Variants in MIPOL1 observed in about 807,000 individuals in gnomAD.
The protein encoded by MIPOL1 is mirror-image polydactyly 1, also known as mirror-image polydactyly gene 1 protein.
Under a neutral mutation model 60.9 loss-of-function variants are expected in MIPOL1, and 57 were observed. That is an observed-to-expected ratio of 0.94 (90% confidence interval 0.76 to 1.17). The LOEUF (loss-of-function observed/expected upper bound fraction) is 1.17. MIPOL1 is among the 50% of genes most tolerant of loss of function. The pLI, the probability that MIPOL1 is intolerant of heterozygous loss-of-function variation, is 0.00. For synonymous variants in MIPOL1, 179 were observed against 168.8 expected, an observed-to-expected ratio of 1.06 and a Z score of -0.47; for missense variants, 551 against 511.6, an observed-to-expected ratio of 1.08 and a Z score of -0.74.
At chr14:37,541,494 A>G (rs1333459379) in intron 12 of MIPOL1, among the ~76,000 whole-genome samples, 3 of 152,214 alleles carry the variant, frequency 2.0e-5, no homozygotes, top group Non-Finnish European at 4.4e-5. Flanking sequence ...TTATACCACA[A>G]TGATGGTTTA....
intron 1 of MIPOL1, among the ~76,000 whole-genome samples, chr14:37,245,191 T>G: frequency 6.6e-6 from 1 of 152,242 alleles, no homozygotes; most frequent in Middle Eastern, 3.4e-3. Context: ...TAAAAGTAGC[T>G]TAAAAAATTA....
chr14:37,420,944 A>C (rs1007016497), intron 10 of MIPOL1, among the ~76,000 whole-genome samples: 1 of 152,158 alleles, frequency 6.6e-6, no homozygotes, highest in African/African-American at 2.4e-5. Context: ...GGATATCGTA[A>C]AGCCAGAAAG....
intron 9 of MIPOL1, among the ~76,000 whole-genome samples, chr14:37,318,824 T>TTTAG (rs1170957886): frequency 9.1e-4 from 135 of 148,246 alleles, no homozygotes; most frequent in African/African-American, 3.1e-3. Flanking sequence ...TATTTATTTA[T>TTTAG]TTAGTTAGTT....
intron 11 of MIPOL1, among the ~76,000 whole-genome samples, chr14:37,489,695 ACAGT>A (rs1370850373): frequency 3.2e-4 from 49 of 152,176 alleles, no homozygotes; most frequent in African/African-American, 9.9e-4. Flanking sequence ...TTTCCTTCTA[ACAGT>A]CAGGCCCCTC....
At chr14:37,528,758 T>C (rs1036172613) in intron 12 of MIPOL1, among the ~76,000 whole-genome samples, 2 of 152,178 alleles carry the variant, frequency 1.3e-5, no homozygotes, top group Admixed American at 6.5e-5. Flanking sequence ...AAATATGCTT[T>C]TTTTATAACT....
chr14:37,339,938 C>T (rs1458791368), intron 9 of MIPOL1, among the ~76,000 whole-genome samples: 1 of 152,110 alleles, frequency 6.6e-6, no homozygotes, highest in African/African-American at 2.4e-5. Context: ...TTGTCAAAAG[C>T]CAATCAATTC....
intron 1 of MIPOL1, among the ~76,000 whole-genome samples, chr14:37,231,262 A>G (rs1249690927): frequency 6.6e-6 from 1 of 151,672 alleles, no homozygotes; most frequent in Non-Finnish European, 1.5e-5. Context: ...TAATGTTTTT[A>G]TTTTTCATAG....
At chr14:37,379,953 G>A (rs2092882230) in intron 10 of MIPOL1, among the ~76,000 whole-genome samples, 1 of 151,982 alleles carries the variant, frequency 6.6e-6, no homozygotes. Context: ...GCATGGCCGT[G>A]TAACCCAAAG....
chr14:37,245,424 T>G (rs1408315826), intron 1 of MIPOL1, among the ~76,000 whole-genome samples: 1 of 152,140 alleles, frequency 6.6e-6, no homozygotes, highest in Non-Finnish European at 1.5e-5. Context: ...GCAATTAACT[T>G]ACAGTGTACA....
intron 9 of MIPOL1, among the ~76,000 whole-genome samples, chr14:37,311,489 G>T (rs2087316844): frequency 6.6e-6 from 1 of 152,118 alleles, no homozygotes; most frequent in East Asian, 1.9e-4. Flanking sequence ...TTATGAGAAA[G>T]GAGTTGTTTA....
intron 10 of MIPOL1, among the ~76,000 whole-genome samples, chr14:37,381,949 A>G (rs1005045509): frequency 1.3e-5 from 2 of 151,872 alleles, no homozygotes; most frequent in African/African-American, 2.4e-5. Flanking sequence ...TTGTGTTTGG[A>G]AGGTAAAGTA....
At chr14:37,271,835 ATAATT>A (rs2083321924) in intron 6 of MIPOL1, among the ~76,000 whole-genome samples, 1 of 151,736 alleles carries the variant, frequency 6.6e-6, no homozygotes, top group African/African-American at 2.4e-5. Context: ...TCTTACAGAA[ATAATT>A]TAATAAGATT....
chr14:37,252,766 A>G lies in MIPOL1; in HGVS notation c.19+4859A>G, dbSNP rs115763557. On this transcript the variant is annotated intron_variant, in intron 3 of 12. Transcript: ENST00000684589. Reference sequence around the variant, plus strand: ...AAAACTATTCCATGATTTGCAGACAATTTGTAAGTGTAGACACTGAAGAAC... The same window carrying G: ...AAAACTATTCCATGATTTGCAGACAGTTTGTAAGTGTAGACACTGAAGAAC... Among the ~76,000 whole-genome samples, 393 of 152,060 alleles carry G rather than the reference A, an allele frequency of 2.6e-3. 2 individuals carry two copies. Among genetic ancestry groups the G allele is most frequent in the African/African-American group, 9.2e-3 (384 of 41,544 alleles).
rs2092706483 is a variant in MIPOL1 at position 37,373,886 on chromosome 14, T to C, written c.936+4262T>C. On this transcript the variant is annotated intron_variant, in intron 10 of 12. Transcript: ENST00000684589. ...TATAGTAGAATGATTTATAATCCTT[T>C]GGGTATATACCCTGTAATGGGATTG... 2.6e-5 allele frequency among the ~76,000 whole-genome samples: 4 copies of C among 152,228 alleles called. No homozygotes were observed. In the South Asian group the frequency reaches 8.3e-4, roughly 32 times the overall value.
chr14:37,378,962 T>C (rs577206506), intron 10 of MIPOL1, among the ~76,000 whole-genome samples: 20 of 152,194 alleles, frequency 1.3e-4, no homozygotes, highest in African/African-American at 4.8e-4. Context: ...GAAATTTATA[T>C]CATTCATTAA....
intron 1 of MIPOL1, among the ~76,000 whole-genome samples, chr14:37,244,280 C>T (rs1208809581): frequency 6.6e-6 from 1 of 151,508 alleles, no homozygotes; most frequent in Non-Finnish European, 1.5e-5. Flanking sequence ...ACCACCAAGC[C>T]AGGCTAATTT....
intron 10 of MIPOL1, among the ~76,000 whole-genome samples, chr14:37,411,534 G>A (rs79326964): frequency 6.6e-6 from 1 of 152,100 alleles, no homozygotes; most frequent in African/African-American, 2.4e-5. Context: ...ATTCTGGGTA[G>A]TATGTAAACC....
intron 11 of MIPOL1, among the ~76,000 whole-genome samples, chr14:37,460,047 C>T (rs1467636324): frequency 6.6e-6 from 1 of 151,496 alleles, no homozygotes; most frequent in Non-Finnish European, 1.5e-5. Context: ...CCACTGCACT[C>T]CAGCCTGGAT....
intron 12 of MIPOL1, among the ~76,000 whole-genome samples, chr14:37,524,860 ACCCGG>A (rs2095437615): frequency 6.6e-6 from 1 of 151,636 alleles, no homozygotes; most frequent in Non-Finnish European, 1.5e-5. Flanking sequence ...GAACCACCGC[ACCCGG>A]CCTGAAGCTT....
Sources: gnomAD v4.1 joint callset for allele counts (sites outside exome capture counted in the v4.1 genomes callset) on GRCh38, gnomAD v4.1.1 for gene constraint, MANE v1.5 for transcripts, NCBI Gene and HGNC (gene_info 2026-07-23, HGNC 2026-07-21) for gene names.